The following SIGLEC1 variants were observed in gnomAD, a reference collection of about 807,000 sequenced individuals.
The protein encoded by SIGLEC1 is sialic acid binding Ig like lectin 1, also known as sialoadhesin.
In SIGLEC1, 132 loss-of-function variants were observed where a neutral mutation model predicts 148.0. The observed-to-expected ratio is 0.89, with a 90% CI of 0.77 to 1.03. The LOEUF (loss-of-function observed/expected upper bound fraction) is 1.03, where lower values mean the gene tolerates loss of function less well. SIGLEC1 is among the 50% of genes least tolerant of loss of function. The probability of loss-of-function intolerance (pLI) is 0.00; values close to 1 mark genes in which losing one functional copy is unlikely to be tolerated. For synonymous variants in SIGLEC1, 945 were observed against 969.0 expected (o/e 0.98, Z 0.46); for missense variants, 2,253 against 2,271.4 (o/e 0.99, Z 0.16).
At position 3,694,650 on chromosome 20, in the gene SIGLEC1, CA is replaced by C. The variant is rs2088804465; in HGVS notation, c.2944+12del. ...TTCCTTCCCCCACACCTGGATGGGA[CA>C]AAAGTCCTTACAGGACACGTGGAGG... On this transcript the variant is annotated intron_variant, in intron 12 of 21. Coordinates refer to ENST00000344754, the MANE Select transcript of SIGLEC1 (RefSeq NM_023068.4). The C allele has an allele frequency of 6.2e-7, 1 of 1,605,792 alleles. No individual in the cohort carries two copies.
At chr20:3,700,660 C>T (rs1600286862) in intron 7 of SIGLEC1, among the ~76,000 whole-genome samples, 4 of 151,290 alleles carry the variant, frequency 2.6e-5, no homozygotes, top group Non-Finnish European at 4.4e-5. Flanking sequence ...GTGCACATAC[C>T]GAAAGTTGGA....
Position 3,699,328 on chromosome 20 carries a change from C to T in SIGLEC1, c.1660G>A (p.Glu554Lys), listed in dbSNP as rs572890740. ...AGCAGGAGGCTGCTGCCGGGACCCT[C>T]GTGAAGCAGGGCTCCATTCAGGTAC... ...SWYLNGALLHEGPGSSLLLPA... is the reference protein window; with the variant it reads ...SWYLNGALLHKGPGSSLLLPA... Residue 554 changes from glutamate (E) to lysine (K), a missense_variant, in exon 8 of 22, where the codon GAG (glutamate) becomes AAG (lysine). By Grantham distance (56) the Glu-to-Lys change is moderately conservative. Transcript: ENST00000344754. The T allele has an allele frequency of 1.4e-5, 23 of 1,608,716 alleles. No homozygotes were observed. Among genetic ancestry groups the T allele is most frequent in the African/African-American group, 1.2e-4 (9 of 75,022 alleles).
At position 3,694,257 on chromosome 20, in the gene SIGLEC1, C is replaced by T. The variant is rs1394935688; in HGVS notation, c.3220G>A (p.Gly1074Ser). Residue 1074 changes from glycine (G) to serine (S), a missense_variant, in exon 13 of 22, where the codon GGC becomes AGC. Transcript: ENST00000344754. ...AAGTCAGCTGAGGCCGAGGCCTGGC[C>T]CAGGGTGTTGGAGGCCTCACAGATA... ...VYICEASNTL[G>S]QASASADFDA... 6.2e-7 allele frequency: 1 copy of T among 1,612,424 alleles called. No individual in the cohort carries two copies. The highest frequency in any genetic ancestry group is 2.2e-5 in the East Asian group (1 of 44,840).
chr20:3,691,721 G>A, intron 17 of SIGLEC1, 121 bp from the exon 18 acceptor site: 1 of 1,408,334 alleles, frequency 7.1e-7, no homozygotes, highest in South Asian at 1.4e-5. Flanking sequence ...ACTTGGTATA[G>A]GGCTTTCCAA....
chr20:3,695,246 C>A (rs1600283079), intron 11 of SIGLEC1, among the ~76,000 whole-genome samples: 2 of 152,166 alleles, frequency 1.3e-5, no homozygotes, highest in Admixed American at 1.3e-4. Context: ...AGGCACTGTG[C>A]CTGCATGTGT....
At chr20:3,697,555 G>A (rs975324644) in intron 9 of SIGLEC1, among the ~76,000 whole-genome samples, 1 of 152,170 alleles carries the variant, frequency 6.6e-6, no homozygotes, top group East Asian at 1.9e-4. Context: ...AGGGAAGGAG[G>A]ACAAGGCAGC....
rs757371988 is a variant in SIGLEC1 at position 3,692,689 on chromosome 20, C to G, written c.3862G>C (p.Ala1288Pro). 40 of 1,612,882 alleles carry G rather than the reference C, an allele frequency of 2.5e-5. No individual in the cohort carries two copies. In the East Asian group the frequency reaches 8.5e-4, roughly 34 times the overall value. The change falls in exon 16 of 22, where the codon GCA becomes CCA. Residue 1288 changes from alanine to proline, a missense_variant. Physicochemically the swap from Ala to Pro is conservative, Grantham distance 27. Transcript: ENST00000344754. ...TGGTACCAAGTATAGAGTGTGGGTG[C>G]GTGGGCAGCAGGGTCCGCACAGGTC... The part of the protein sequence containing the change: ...TVTCADPAAH[A>P]PTLYTWYHNG...
At chr20:3,704,439 C>T (rs1471363354) in intron 4 of SIGLEC1, among the ~76,000 whole-genome samples, 1 of 152,196 alleles carries the variant, frequency 6.6e-6, no homozygotes, top group Non-Finnish European at 1.5e-5. Flanking sequence ...CCACTGCTAG[C>T]TTTAGTGGCC....
In SIGLEC1 at chr20:3,694,739, C is replaced by T. The variant is rs755366727; in HGVS notation, c.2868G>A (p.Gly956=). 1.2e-6 allele frequency: 2 copies of T among 1,613,806 alleles called. No individual in the cohort carries two copies. Among genetic ancestry groups the T allele is most frequent in the Non-Finnish European group, 1.7e-6 (2 of 1,180,020 alleles). Residue 956 remains glycine (G), a synonymous_variant, in exon 12 of 22, where the codon GGG becomes GGA. Coordinates refer to ENST00000344754, the MANE Select transcript of SIGLEC1 (RefSeq NM_023068.4). ...GGGCCTGGGCTTGGCAATGATAGGC[C>T]CCAGCTTGTGTCAAAGTTATGGCTG... The part of the protein sequence containing the change: ...RFAAITLTQA[G]AYHCQAQAPG...
chr20:3,699,103 T>C (rs2087828109), intron 8 of SIGLEC1, 99 bp downstream of exon 8: 2 of 1,402,084 alleles, frequency 1.4e-6, no homozygotes, highest in Admixed American at 2.4e-5. Context: ...CCTCCCGATA[T>C]AGACCGTGGG....
chr20:3,698,976 C>A (rs1457508411), intron 8 of SIGLEC1, among the ~76,000 whole-genome samples: 1 of 152,188 alleles, frequency 6.6e-6, no homozygotes, highest in East Asian at 1.9e-4. Flanking sequence ...GACAGAGGAG[C>A]CCACAGGGCT....
intron 9 of SIGLEC1, 129 bp from the exon 10 acceptor site, chr20:3,697,471 C>T: frequency 4.2e-6 from 5 of 1,181,524 alleles, no homozygotes; most frequent in Non-Finnish European, 6.0e-6. Flanking sequence ...GAAAAGCAAG[C>T]TAGCTCACAG....
At chr20:3,701,172 C>CTT (rs1351276712) in intron 7 of SIGLEC1, among the ~76,000 whole-genome samples, 170 bp downstream of exon 7, 1 of 152,214 alleles carries the variant, frequency 6.6e-6, no homozygotes, top group Non-Finnish European at 1.5e-5. Flanking sequence ...TTTCCCTTGA[C>CTT]TTCCAGGAAG....
chr20:3,690,967 A>T (rs2088754149), intron 18 of SIGLEC1, among the ~76,000 whole-genome samples: 1 of 151,604 alleles, frequency 6.6e-6, no homozygotes, highest in Non-Finnish European at 1.5e-5. Context: ...AATAGCTGGG[A>T]TTACAGGTGT....
At position 3,703,469 on chromosome 20, in the gene SIGLEC1, G is replaced by A; in HGVS notation, c.974-18C>T. 6.5e-7 allele frequency: 1 copy of A among 1,546,794 alleles called. No homozygotes were observed. The highest frequency in any genetic ancestry group is 8.7e-7 in the Non-Finnish European group (1 of 1,146,070). On this transcript the variant is annotated intron_variant, in intron 5 of 21. Transcript: ENST00000344754. Reference sequence around the variant, plus strand: ...CTCAGCCACTGCAAGGGCAGCATAGGGAGTGCTGGGGGGTCCCAGCCAACT... The same window carrying A: ...CTCAGCCACTGCAAGGGCAGCATAGAGAGTGCTGGGGGGTCCCAGCCAACT...
rs756257247 is a variant in SIGLEC1, at chr20:3,693,484, T to C, written c.3471A>G (p.Ala1157=). The C allele has an allele frequency of 6.3e-7, 1 of 1,579,316 alleles. No individual in the cohort carries two copies. Among genetic ancestry groups the C allele is most frequent in the Non-Finnish European group, 8.6e-7 (1 of 1,163,392 alleles). The change falls in exon 14 of 22, where the codon GCA becomes GCG. Residue 1157 remains alanine (A), a synonymous_variant. Coordinates refer to ENST00000344754, the MANE Select transcript of SIGLEC1 (RefSeq NM_023068.4). ...YRCGVGPPGR[A]PRLSRPITLD... is the part of the protein sequence containing the mutation. The stretch of plus-strand genomic sequence containing the variant: ...AGGTGATAGGTCTGGAGAGGCGGGG[T>C]GCCCGACCAGGGGGGCCCACACCGC...
In SIGLEC1 at chr20:3,693,486, C is replaced by T. The variant is rs1413760780; in HGVS notation, c.3469G>A (p.Ala1157Thr). Reference protein sequence around the residue: ...YRCGVGPPGRAPRLSRPITLD... With the variant: ...YRCGVGPPGRTPRLSRPITLD... ...GTGATAGGTCTGGAGAGGCGGGGTG[C>T]CCGACCAGGGGGGCCCACACCGCAG... Residue 1157 changes from alanine to threonine, a missense_variant, in exon 14 of 22, where the codon GCA (alanine) becomes ACA (threonine). Coordinates refer to ENST00000344754, the MANE Select transcript of SIGLEC1 (RefSeq NM_023068.4). The T allele has an allele frequency of 6.2e-7, 1 of 1,601,290 alleles. No individual in the cohort carries two copies. The highest frequency in any genetic ancestry group is 1.1e-5 in the South Asian group (1 of 89,356).
In SIGLEC1 at chr20:3,693,488, C is replaced by T. The variant is rs368275865; in HGVS notation, c.3467G>A (p.Arg1156Gln). Residue 1156 changes from arginine to glutamine, a missense_variant, in exon 14 of 22, where the codon CGG becomes CAG. Transcript: ENST00000344754. ...GATAGGTCTGGAGAGGCGGGGTGCC[C>T]GACCAGGGGGGCCCACACCGCAGCG... is the stretch of plus-strand genomic sequence containing the variant. Reference protein sequence around the residue: ...SYRCGVGPPGRAPRLSRPITL... With the variant: ...SYRCGVGPPGQAPRLSRPITL... The T allele has an allele frequency of 8.1e-6, 13 of 1,603,770 alleles. No homozygotes were observed. The highest frequency in any genetic ancestry group is 6.7e-5 in the East Asian group (3 of 44,746).
At position 3,691,971 on chromosome 20, in the gene SIGLEC1, T is replaced by C; in HGVS notation, c.4262A>G (p.Asp1421Gly). ...GTTTTGGGCTGTGCAAACATAGGTG[T>C]CATCACCTGCAGGCACATCTTGCAC... ...LQVQDVPAGDDTYVCTAQNLL... is the reference protein window; with the variant it reads ...LQVQDVPAGDGTYVCTAQNLL... Residue 1421 changes from aspartate to glycine, a missense_variant, in exon 17 of 22, where the codon GAC (aspartate) becomes GGC (glycine). Physicochemically the swap from Asp to Gly is moderately conservative, Grantham distance 94. Coordinates refer to ENST00000344754, the MANE Select transcript of SIGLEC1 (RefSeq NM_023068.4). 6.2e-7 allele frequency: 1 copy of C among 1,611,416 alleles called. No homozygotes were observed. Among genetic ancestry groups the C allele is most frequent in the East Asian group, 2.2e-5 (1 of 44,824 alleles).
Sources: gnomAD v4.1 joint callset for allele counts (sites outside exome capture counted in the v4.1 genomes callset) on GRCh38, gnomAD v4.1.1 for gene constraint, MANE v1.5 for transcripts, NCBI Gene and HGNC (gene_info 2026-07-23, HGNC 2026-07-21) for gene names.